PDGFRA: variants seen among roughly 807,000 people sequenced by gnomAD.
The protein encoded by PDGFRA is platelet derived growth factor receptor alpha.
Under a neutral mutation model 121.5 loss-of-function variants are expected in PDGFRA, and 25 were observed. The observed-to-expected ratio is 0.21, with a 90% CI of 0.15 to 0.29. The LOEUF is 0.29. Among genes scored for constraint, PDGFRA ranks in the 10% least tolerant of loss-of-function variants. The probability of loss-of-function intolerance (pLI) is 1.00; values close to 1 mark genes in which losing one functional copy is unlikely to be tolerated. For synonymous variants in PDGFRA, 463 were observed against 494.8 expected (o/e 0.94, Z 0.85); for missense variants, 1,008 against 1,345.1 (o/e 0.75, Z 3.92).
At chr4:54,280,147 C>T (rs1257890551) in intron 15 of PDGFRA, among the ~76,000 whole-genome samples, 169 bp from the exon 16 acceptor site, 1 of 152,096 alleles carries the variant, frequency 6.6e-6, no homozygotes, top group Non-Finnish European at 1.5e-5. Flanking sequence ...GATTAATGCT[C>T]ATTTCCTTGA....
Position 54,295,706 on chromosome 4 carries a change from A to C in PDGFRA, c.*434A>C, listed in dbSNP as rs1724850756. ...GACTTCTGAAGAGACCACTCAATCC[A>C]TCCATGTACTTCCCTCTTGAAACCT... On this transcript the variant is annotated 3_prime_UTR_variant, in exon 23 of 23. Coordinates refer to ENST00000257290, the MANE Select transcript of PDGFRA (RefSeq NM_006206.6). 3.7e-6 allele frequency: 1 copy of C among 269,348 alleles called. No homozygotes were observed. Among genetic ancestry groups the C allele is most frequent in the Non-Finnish European group, 7.2e-6 (1 of 139,258 alleles). The allele number at this position is 269,348 out of a possible 1,614,324, so 16.7% of individuals were successfully genotyped here.
At chr4:54,246,480 C>G (rs1277993827) in intron 1 of PDGFRA, among the ~76,000 whole-genome samples, 1 of 152,110 alleles carries the variant, frequency 6.6e-6, no homozygotes, top group Non-Finnish European at 1.5e-5. Context: ...GGGTACATAA[C>G]GAAATGAAGG....
intron 8 of PDGFRA, among the ~76,000 whole-genome samples, chr4:54,272,079 A>C (rs1422163047): frequency 6.9e-6 from 1 of 144,128 alleles, no homozygotes; most frequent in Non-Finnish European, 1.5e-5. Flanking sequence ...TCCTGGGCTC[A>C]AGTGTTTCTC....
At chr4:54,246,305 A>C (rs962069248) in intron 1 of PDGFRA, among the ~76,000 whole-genome samples, 1 of 152,186 alleles carries the variant, frequency 6.6e-6, no homozygotes, top group African/African-American at 2.4e-5. Context: ...AAAATTGACC[A>C]CATAGTTGGA....
At chr4:54,251,065 CAA>C (rs566538469) in intron 1 of PDGFRA, among the ~76,000 whole-genome samples, 21 of 51,836 alleles carry the variant, frequency 4.1e-4, no homozygotes, top group Admixed American at 7.8e-4. Flanking sequence ...AACTCCGTCT[CAA>C]AAAAAAAAAA....
At chr4:54,266,411 CTT>C (rs552308043) in intron 5 of PDGFRA, among the ~76,000 whole-genome samples, 4 of 130,524 alleles carry the variant, frequency 3.1e-5, no homozygotes, top group Admixed American at 7.7e-5. Context: ...TTTCTTTTTT[CTT>C]TTTTTTTTTT....
chr4:54,247,541 A>C (rs1418705852), intron 1 of PDGFRA, among the ~76,000 whole-genome samples: 4 of 151,964 alleles, frequency 2.6e-5, no homozygotes, highest in Non-Finnish European at 4.4e-5. Flanking sequence ...AAAAACTCTC[A>C]ATAAATTAGG....
intron 3 of PDGFRA, among the ~76,000 whole-genome samples, chr4:54,262,858 C>T (rs560573176): frequency 7.0e-4 from 106 of 152,270 alleles, no homozygotes; most frequent in African/African-American, 2.0e-3. Context: ...AGTTTTAATC[C>T]GTGTAAGATT....
intron 1 of PDGFRA, among the ~76,000 whole-genome samples, chr4:54,237,823 A>AGGG (rs10686277): frequency 0.018 from 2,716 of 152,344 alleles, 87 homozygotes; most frequent in African/African-American, 0.062. Context: ...CCTAGGAAAT[A>AGGG]GTCAGGCAAG....
intron 4 of PDGFRA, 185 bp from the exon 5 acceptor site, chr4:54,264,734 A>G: frequency 1.8e-6 from 1 of 565,688 alleles, no homozygotes; most frequent in African/African-American, 1.9e-5. Context: ...TTATAACTAT[A>G]TGCCTAATTG....
chr4:54,229,613 G>A (rs1577659881), intron 1 of PDGFRA, among the ~76,000 whole-genome samples, 198 bp downstream of exon 1: 1 of 151,780 alleles, frequency 6.6e-6, no homozygotes, highest in East Asian at 1.9e-4. Context: ...GATAACCATA[G>A]AGTTAGAAAG....
At chr4:54,294,792 C>A (rs1251606016) in intron 22 of PDGFRA, among the ~76,000 whole-genome samples, 1 of 152,206 alleles carries the variant, frequency 6.6e-6, no homozygotes, top group Non-Finnish European at 1.5e-5. Flanking sequence ...CCTGACTTCA[C>A]CCCCTGCTCT....
Position 54,272,483 on chromosome 4 carries a change from C to G in PDGFRA, c.1327C>G (p.Pro443Ala). Reference protein sequence around the residue: ...VRCTAEGTPLPDIEWMICKDI... With the variant: ...VRCTAEGTPLADIEWMICKDI... ...GTGCACAGCTGAAGGCACGCCGCTTCCTGATATTGAGTGGATGATATGCAA... is the reference window on the plus strand; with the variant it reads ...GTGCACAGCTGAAGGCACGCCGCTTGCTGATATTGAGTGGATGATATGCAA... Residue 443 changes from proline (P) to alanine (A), a missense_variant, in exon 9 of 23, where the codon CCT becomes GCT. Physicochemically the swap from Pro to Ala is conservative, Grantham distance 27. This residue lies in a region of PDGFRA where 575 missense variants were observed against 701.8 expected (regional missense o/e 0.82). Coordinates refer to ENST00000257290, the MANE Select transcript of PDGFRA (RefSeq NM_006206.6). The G allele has an allele frequency of 1.2e-6, 2 of 1,614,002 alleles. No homozygotes were observed. Among genetic ancestry groups the G allele is most frequent in the East Asian group, 2.2e-5 (1 of 44,842 alleles).
At chr4:54,271,173 A>C (rs1186431049) in intron 8 of PDGFRA, among the ~76,000 whole-genome samples, 1 of 152,106 alleles carries the variant, frequency 6.6e-6, no homozygotes, top group Non-Finnish European at 1.5e-5. Flanking sequence ...ATTGTTCTGG[A>C]GAGTTTTGCT....
chr4:54,295,046 C>A, intron 22 of PDGFRA, 79 bp from the exon 23 acceptor site: 1 of 1,428,914 alleles, frequency 7.0e-7, no homozygotes, highest in Non-Finnish European at 9.9e-7. Flanking sequence ...CAAAGGCTTT[C>A]GTTTGTCTCT....
At chr4:54,284,875 CTATCTTTTT>C (rs1724252509) in intron 16 of PDGFRA, among the ~76,000 whole-genome samples, 1 of 104,116 alleles carries the variant, frequency 9.6e-6, no homozygotes, top group African/African-American at 3.2e-5. Flanking sequence ...TTCATTCTTT[CTATCTTTTT>C]TTTTTTTTTT....
At chr4:54,292,042 A>G (rs1404921578) in intron 22 of PDGFRA, among the ~76,000 whole-genome samples, 1 of 152,218 alleles carries the variant, frequency 6.6e-6, no homozygotes, top group South Asian at 2.1e-4. Context: ...GGTTGTGGAG[A>G]AAAAGAAACA....
intron 5 of PDGFRA, among the ~76,000 whole-genome samples, chr4:54,266,517 G>T (rs974630444): frequency 6.6e-6 from 1 of 151,596 alleles, no homozygotes; most frequent in African/African-American, 2.4e-5. Flanking sequence ...AAAGTGTTGG[G>T]ATTGATTACA....
rs1367455837 is a variant in PDGFRA, at chr4:54,278,272, T to G, written c.2003-90T>G. On this transcript the variant is annotated intron_variant, in intron 14 of 22. Transcript: ENST00000257290. ...AAAAAAACTTTTTTGGTATCTTATT[T>G]TTTTCTGTGCCATATGGTCTGCAGG... 1.7e-5 allele frequency: 16 copies of G among 952,088 alleles called. No individual in the cohort carries two copies. In the East Asian group the frequency reaches 3.6e-4, roughly 22 times the overall value. 59.0% of individuals were successfully genotyped at this position (952,088 alleles called of 1,614,324 possible). A position where few individuals can be genotyped will look rare whatever the true frequency, so the allele number is the denominator to read the frequency against.
Sources: allele counts gnomAD v4.1 joint callset (sites outside exome capture counted in the v4.1 genomes callset), GRCh38; gene constraint gnomAD v4.1.1; regional missense constraint gnomAD v4.1.1; transcripts MANE v1.5; gene names NCBI Gene and HGNC (gene_info 2026-07-23, HGNC 2026-07-21).